The following ADGRL4 variants were observed in gnomAD, a reference collection of about 807,000 sequenced individuals.
ADGRL4 encodes the protein adhesion G protein-coupled receptor L4.
ADGRL4 carries 90 observed loss-of-function variants against 74.8 expected under a neutral mutation model. The observed-to-expected ratio is 1.20, with a 90% CI of 1.02 to 1.43. ADGRL4 has a LOEUF of 1.43. ADGRL4 is among the 40% of genes most tolerant of loss of function. The pLI, the probability that ADGRL4 is intolerant of heterozygous loss-of-function variation, is 0.00. For synonymous variants in ADGRL4, 311 were observed against 279.2 expected (o/e 1.11, Z -1.14); for missense variants, 881 against 814.3 (o/e 1.08, Z -1.00).
In ADGRL4 at chr1:78,926,930, A is replaced by C; in HGVS notation, c.1039T>G (p.Leu347Val). The C allele has an allele frequency of 6.2e-7, 1 of 1,612,238 alleles. No individual in the cohort carries two copies. The highest frequency in any genetic ancestry group is 8.5e-7 in the Non-Finnish European group (1 of 1,178,908). The stretch of plus-strand genomic sequence containing the variant: ...AATGTTATTTTTTCAAGTTCATATA[A>C]TGTGGGTGGGTTTGAGCTCATTGAG... ...SVSMSSNPPT[L>V]YELEKITFTL... Residue 347 changes from leucine to valine, a missense_variant, in exon 8 of 15, where the codon TTA (leucine) becomes GTA (valine). Coordinates refer to ENST00000370742, the MANE Select transcript of ADGRL4 (RefSeq NM_022159.4).
At position 78,921,775 on chromosome 1, in the gene ADGRL4, C is replaced by A; in HGVS notation, c.1095G>T (p.Arg365Ser). 6.6e-7 allele frequency: 1 copy of A among 1,504,948 alleles called. No individual in the cohort carries two copies. The highest frequency in any genetic ancestry group is 1.3e-5 in the South Asian group (1 of 75,690). The allele number at this position is 1,504,948 out of a possible 1,614,324, so 93.2% of individuals were successfully genotyped here. The change falls in exon 9 of 15, where the codon AGG (arginine) becomes AGT (serine). Residue 365 changes from arginine to serine, a missense_variant. By Grantham distance (110) the Arg-to-Ser change is moderately radical. Transcript: ENST00000370742. ...FTLSHRKVTD[R>S]YRSLCAFWNY... ...TCCAAAATGCACATAGACTCCTATA[C>A]CTATCTGTGACCTGAAAAAAAGATA... is the stretch of plus-strand genomic sequence containing the variant.
At chr1:78,919,370 G>C (rs917881990) in intron 10 of ADGRL4, among the ~76,000 whole-genome samples, 4 of 151,828 alleles carry the variant, frequency 2.6e-5, no homozygotes, top group Non-Finnish European at 2.9e-5. Flanking sequence ...AGTACAGTAG[G>C]GTTACTGCTG....
At chr1:78,997,648 CTAAAAG>C (rs1650745806) in intron 2 of ADGRL4, among the ~76,000 whole-genome samples, 1 of 152,216 alleles carries the variant, frequency 6.6e-6, no homozygotes. Context: ...TTTCTTCAAC[CTAAAAG>C]TATGGCTTCT....
intron 2 of ADGRL4, among the ~76,000 whole-genome samples, chr1:78,964,005 T>C (rs557865899): frequency 5.1e-4 from 77 of 152,318 alleles, no homozygotes; most frequent in Non-Finnish European, 9.0e-4. Context: ...TTTTGCAGTC[T>C]TATACCACTG....
At chr1:78,936,732 GA>G (rs1285478606) in intron 6 of ADGRL4, among the ~76,000 whole-genome samples, 3 of 152,150 alleles carry the variant, frequency 2.0e-5, no homozygotes, top group Non-Finnish European at 2.9e-5. Context: ...ATGGCTTACA[GA>G]ATAGTGTCTA....
intron 2 of ADGRL4, among the ~76,000 whole-genome samples, chr1:78,999,836 CTAT>C (rs58338191): frequency 0.072 from 9,934 of 138,390 alleles, 378 homozygotes; most frequent in East Asian, 0.17. Context: ...ATCTATCTAT[CTAT>C]CTACCTACCT....
intron 7 of ADGRL4, among the ~76,000 whole-genome samples, chr1:78,935,561 A>G (rs993062047): frequency 2.6e-5 from 4 of 152,132 alleles, no homozygotes; most frequent in African/African-American, 9.7e-5. Flanking sequence ...CTTTAAAAAA[A>G]TCTCTATTTT....
intron 2 of ADGRL4, among the ~76,000 whole-genome samples, chr1:78,949,150 T>C (rs1196222776): frequency 6.6e-6 from 1 of 151,898 alleles, no homozygotes; most frequent in African/African-American, 2.4e-5. Context: ...TATGCAAAAA[T>C]ATAGAGAAAA....
At chr1:78,924,089 A>T (rs1407255394) in intron 8 of ADGRL4, among the ~76,000 whole-genome samples, 2 of 151,976 alleles carry the variant, frequency 1.3e-5, no homozygotes, top group Non-Finnish European at 2.9e-5. Context: ...AGAGAAAGAG[A>T]CTGATTGCAT....
At chr1:78,950,125 G>A (rs191670644) in intron 2 of ADGRL4, among the ~76,000 whole-genome samples, 4 of 152,118 alleles carry the variant, frequency 2.6e-5, no homozygotes, top group Admixed American at 2.0e-4. Context: ...TCATTTGCAA[G>A]ATAAAAAGGT....
rs188695967 is a variant in ADGRL4, at chr1:78,959,465, G to A, written c.173-13039C>T. 3.9e-5 allele frequency among the ~76,000 whole-genome samples: 6 copies of A among 152,062 alleles called. No homozygotes were observed. In the East Asian group the frequency reaches 7.7e-4, roughly 20 times the overall value. ...TTGCCAGGCCAATAGTTTTTAAACCGGACTCAGTCATTGGGCTGAAATAGC... is the reference window on the plus strand; with the variant it reads ...TTGCCAGGCCAATAGTTTTTAAACCAGACTCAGTCATTGGGCTGAAATAGC... On this transcript the variant is annotated intron_variant, in intron 2 of 14. Transcript: ENST00000370742.
Position 78,936,294 on chromosome 1 carries a change from C to A in ADGRL4, c.877+1G>T, listed in dbSNP as rs1236522482. On this transcript the variant is annotated splice_donor_variant, in intron 7 of 14. Transcript: ENST00000370742. LOFTEE classifies it high-confidence loss of function. ...TGTCTGTTAGATTGTTAAAGTCCTACCATTTGAATCATATGCAGCTTTTCT... is the reference window on the plus strand; with the variant it reads ...TGTCTGTTAGATTGTTAAAGTCCTAACATTTGAATCATATGCAGCTTTTCT... 1.3e-6 allele frequency: 2 copies of A among 1,588,414 alleles called. No individual in the cohort carries two copies. Among genetic ancestry groups the A allele is most frequent in the African/African-American group, 1.4e-5 (1 of 73,256 alleles).
Position 78,890,858 on chromosome 1 carries a change from A to T in ADGRL4, c.*296T>A. 3.0e-6 allele frequency: 1 copy of T among 333,640 alleles called. No individual in the cohort carries two copies. The highest frequency in any genetic ancestry group is 5.6e-6 in the Non-Finnish European group (1 of 178,672). 20.7% of individuals were successfully genotyped at this position (333,640 alleles called of 1,614,324 possible). On this transcript the variant is annotated 3_prime_UTR_variant, in exon 15 of 15. Transcript: ENST00000370742. ...TCATATACTTCTCGTGTTAGAAAGAAAATCTTTCCTTGGGTGCAGTGATAT... is the reference window on the plus strand; with the variant it reads ...TCATATACTTCTCGTGTTAGAAAGATAATCTTTCCTTGGGTGCAGTGATAT...
intron 12 of ADGRL4, among the ~76,000 whole-genome samples, chr1:78,904,364 T>A (rs946511945): frequency 2.2e-4 from 34 of 152,116 alleles, no homozygotes; most frequent in Non-Finnish European, 4.1e-4. Context: ...ATATTTCATT[T>A]AAAAAAATGA....
chr1:78,909,180 TG>T, intron 12 of ADGRL4, among the ~76,000 whole-genome samples: 1 of 152,096 alleles, frequency 6.6e-6, no homozygotes, highest in East Asian at 1.9e-4. Context: ...ATAATTAAAA[TG>T]TTGATGCCAT....
chr1:78,928,705 T>G (rs762716748), intron 7 of ADGRL4, among the ~76,000 whole-genome samples: 11 of 151,560 alleles, frequency 7.3e-5, no homozygotes, highest in Non-Finnish European at 1.2e-4. Flanking sequence ...GTGGAGACTT[T>G]ACTTTAGAAT....
At chr1:78,934,687 G>C (rs1401370222) in intron 7 of ADGRL4, among the ~76,000 whole-genome samples, 1 of 151,704 alleles carries the variant, frequency 6.6e-6, no homozygotes, top group Non-Finnish European at 1.5e-5. Flanking sequence ...CATCTACTAG[G>C]AACTTCAACA....
chr1:78,895,070 T>C (rs551270781), intron 12 of ADGRL4, among the ~76,000 whole-genome samples: 66 of 152,044 alleles, frequency 4.3e-4, no homozygotes, highest in Non-Finnish European at 8.1e-4. Context: ...AAATGGAAAA[T>C]GTTTACATAC....
chr1:78,927,338 A>G (rs924345684), intron 7 of ADGRL4, among the ~76,000 whole-genome samples: 2 of 152,114 alleles, frequency 1.3e-5, no homozygotes, highest in Non-Finnish European at 2.9e-5. Context: ...TGCACAAACT[A>G]TCTTTAGAAG....
Sources: gnomAD v4.1 joint callset for allele counts (sites outside exome capture counted in the v4.1 genomes callset) on GRCh38, gnomAD v4.1.1 for gene constraint, MANE v1.5 for transcripts, NCBI Gene and HGNC (gene_info 2026-07-23, HGNC 2026-07-21) for gene names.